The following SPAG16 variants were observed in gnomAD, a reference collection of about 807,000 sequenced individuals.
SPAG16 encodes the protein sperm associated antigen 16.
Under a neutral mutation model 80.4 loss-of-function variants are expected in SPAG16, and 86 were observed. The observed-to-expected ratio is 1.07, with a 90% confidence interval of 0.90 to 1.28. The LOEUF is 1.28. Among genes scored for constraint, SPAG16 ranks in the 50% most tolerant of loss-of-function variants. The probability of loss-of-function intolerance (pLI) is 0.00; values close to 1 mark genes in which losing one functional copy is unlikely to be tolerated. For synonymous variants in SPAG16, 294 were observed against 265.9 expected, an observed-to-expected ratio of 1.11 and a Z score of -1.03; for missense variants, 870 against 765.3, an observed-to-expected ratio of 1.14 and a Z score of -1.61.
chr2:213,836,352 G>A (rs1277630764), intron 10 of SPAG16, among the ~76,000 whole-genome samples: 2 of 151,970 alleles, frequency 1.3e-5, no homozygotes, highest in African/African-American at 4.8e-5. Context: ...ATATGCTTTA[G>A]TGGAAATTTT....
intron 15 of SPAG16, among the ~76,000 whole-genome samples, chr2:214,244,999 G>C (rs891654018): frequency 1.3e-5 from 2 of 152,056 alleles, no homozygotes; most frequent in Non-Finnish European, 2.9e-5. Context: ...ACTATGCCAG[G>C]ACATTCTTCA....
intron 15 of SPAG16, among the ~76,000 whole-genome samples, chr2:214,396,920 T>C (rs1701421735): frequency 1.3e-5 from 2 of 152,052 alleles, no homozygotes; most frequent in South Asian, 4.1e-4. Context: ...CACTTTTCTT[T>C]AGCTTTTTTC....
intron 5 of SPAG16, among the ~76,000 whole-genome samples, chr2:213,333,137 T>C (rs1559419880): frequency 6.6e-6 from 1 of 152,010 alleles, no homozygotes; most frequent in Non-Finnish European, 1.5e-5. Flanking sequence ...AAAAAAATGA[T>C]GAGAACTGAT....
chr2:214,208,121 A>G (rs1169038654), intron 15 of SPAG16, among the ~76,000 whole-genome samples: 1 of 152,074 alleles, frequency 6.6e-6, no homozygotes, highest in East Asian at 1.9e-4. Flanking sequence ...TCATATATAC[A>G]TATACTCTAT....
rs1440980532 is a variant in SPAG16 at position 214,149,232 on chromosome 2, A to G, written c.1686A>G (p.Pro562=). 1 of 1,591,466 alleles carries G rather than the reference A, an allele frequency of 6.3e-7. No individual in the cohort carries two copies. Among genetic ancestry groups the G allele is most frequent in the Middle Eastern group, 1.7e-4 (1 of 5,946 alleles). Reference sequence around the variant, plus strand: ...CAATTGTGTCCATCGATATAGGTCCAAGTCCTGGCAATGAGGTGAATTTTG... The same window carrying G: ...CAATTGTGTCCATCGATATAGGTCCGAGTCCTGGCAATGAGGTGAATTTTG... ...LLPIVSIDIG[P]SPGNEVNFDS... is the part of the protein sequence containing the mutation. Residue 562 remains proline (P), a synonymous_variant, in exon 15 of 16, where the codon CCA becomes CCG. Coordinates refer to ENST00000331683, the MANE Select transcript of SPAG16 (RefSeq NM_024532.5).
chr2:214,217,005 T>C (rs2058448261), intron 15 of SPAG16, among the ~76,000 whole-genome samples: 1 of 152,176 alleles, frequency 6.6e-6, no homozygotes, highest in Non-Finnish European at 1.5e-5. Flanking sequence ...TTTTATAGAT[T>C]AACAAATACA....
chr2:213,454,330 AT>A lies in SPAG16; in HGVS notation c.943-35629del, dbSNP rs1484420353. ...CTTACCCAAATTCTAACACTAAAATATTTTAAAATATTATTTATTTCCTTTG... is the reference window on the plus strand; with the variant it reads ...CTTACCCAAATTCTAACACTAAAATATTTAAAATATTATTTATTTCCTTTG... On this transcript the variant is annotated intron_variant, in intron 9 of 15. Transcript: ENST00000331683. Among the ~76,000 whole-genome samples the A allele has an allele frequency of 2.6e-5, 4 of 152,320 alleles. No individual in the cohort carries two copies. The East Asian group carries it at 7.7e-4, about 29-fold the overall frequency.
intron 9 of SPAG16, among the ~76,000 whole-genome samples, chr2:213,452,835 TG>T (rs1293380977): frequency 6.6e-6 from 1 of 152,246 alleles, no homozygotes; most frequent in Non-Finnish European, 1.5e-5. Context: ...CTTTGAAAGA[TG>T]GGCTATTGTA....
intron 13 of SPAG16, among the ~76,000 whole-genome samples, chr2:214,068,724 T>C (rs1333214076): frequency 6.6e-6 from 1 of 151,974 alleles, no homozygotes; most frequent in Non-Finnish European, 1.5e-5. Flanking sequence ...ATTTTTAATA[T>C]GCATACATCC....
At chr2:213,407,631 GAGAGAGAGAC>G (rs749272697) in intron 9 of SPAG16, among the ~76,000 whole-genome samples, 1,803 of 90,894 alleles carry the variant, frequency 0.02, 35 homozygotes, top group Middle Eastern at 0.045. Flanking sequence ...GAGAGAGAGA[GAGAGAGAGAC>G]AGACAGACAG....
chr2:213,304,535 A>T (rs543626708), intron 3 of SPAG16, among the ~76,000 whole-genome samples: 1 of 152,032 alleles, frequency 6.6e-6, no homozygotes, highest in Non-Finnish European at 1.5e-5. Flanking sequence ...TCTTTAATCC[A>T]TTTTGATTTG....
At chr2:213,759,343 T>G (rs1336367242) in intron 10 of SPAG16, among the ~76,000 whole-genome samples, 1 of 150,198 alleles carries the variant, frequency 6.7e-6, no homozygotes, top group Non-Finnish European at 1.5e-5. Flanking sequence ...ATATATATAT[T>G]TAAATTTGTA....
intron 10 of SPAG16, among the ~76,000 whole-genome samples, chr2:213,727,947 C>G (rs1275828180): frequency 6.6e-6 from 1 of 152,004 alleles, no homozygotes; most frequent in Non-Finnish European, 1.5e-5. Context: ...CTCCTGGGTT[C>G]AAGCGATTCT....
intron 10 of SPAG16, among the ~76,000 whole-genome samples, chr2:213,647,281 A>T (rs1162160222): frequency 6.6e-6 from 1 of 152,208 alleles, no homozygotes; most frequent in Non-Finnish European, 1.5e-5. Context: ...AGTATCATGC[A>T]TATACGTACA....
At chr2:213,635,923 T>G (rs1469438376) in intron 10 of SPAG16, among the ~76,000 whole-genome samples, 1 of 152,208 alleles carries the variant, frequency 6.6e-6, no homozygotes, top group Non-Finnish European at 1.5e-5. Flanking sequence ...TGCTGATTAT[T>G]TCTTGCTGTG....
chr2:214,011,486 G>T (rs1328173578), intron 12 of SPAG16, among the ~76,000 whole-genome samples: 2 of 152,008 alleles, frequency 1.3e-5, no homozygotes, highest in Non-Finnish European at 2.9e-5. Flanking sequence ...AAATATTTTT[G>T]ATTTGTGGAC....
intron 12 of SPAG16, among the ~76,000 whole-genome samples, chr2:213,958,464 T>C (rs2044256086): frequency 1.3e-5 from 2 of 152,002 alleles, no homozygotes; most frequent in African/African-American, 4.8e-5. Flanking sequence ...GCCCCGCTTC[T>C]GGTATGATAA....
At chr2:213,550,925 A>G (rs1402075694) in intron 10 of SPAG16, among the ~76,000 whole-genome samples, 1 of 151,906 alleles carries the variant, frequency 6.6e-6, no homozygotes, top group East Asian at 1.9e-4. Context: ...TTCTTTTTAA[A>G]TCAAAGTTTT....
chr2:213,851,354 C>G (rs889017865), intron 10 of SPAG16, among the ~76,000 whole-genome samples: 2 of 151,902 alleles, frequency 1.3e-5, no homozygotes, highest in African/African-American at 4.8e-5. Flanking sequence ...TACTAAAATA[C>G]AAAAATGAGG....
Sources: allele counts gnomAD v4.1 joint callset (sites outside exome capture counted in the v4.1 genomes callset), GRCh38; gene constraint gnomAD v4.1.1; transcripts MANE v1.5; gene names NCBI Gene and HGNC (gene_info 2026-07-23, HGNC 2026-07-21).